RALGPS1: variants seen among roughly 807,000 people sequenced by gnomAD.
RALGPS1 encodes Ral GEF with PH domain and SH3 binding motif 1, also known as ras-specific guanine nucleotide-releasing factor RalGPS1.
A neutral mutation model predicts 78.8 loss-of-function variants in RALGPS1; 19 were observed. That is an observed-to-expected ratio of 0.24 (90% CI 0.17 to 0.35). The LOEUF (loss-of-function observed/expected upper bound fraction) is 0.35. RALGPS1 is among the 10% of genes least tolerant of loss of function. RALGPS1 has a pLI of 1.00. For missense variants in RALGPS1, 454 were observed against 688.3 expected (o/e 0.66, Z 3.81); for synonymous variants, 228 against 256.3 (o/e 0.89, Z 1.06).
chr9:127,196,652 C>T, intron 13 of RALGPS1, 21 bp downstream of exon 13: 1 of 1,566,122 alleles, frequency 6.4e-7, no homozygotes, highest in Non-Finnish European at 8.7e-7. Flanking sequence ...CCGGCCTGCA[C>T]ATGATAGGCT....
At chr9:127,004,606 TC>T (rs1414471336) in intron 4 of RALGPS1, among the ~76,000 whole-genome samples, 35 of 152,254 alleles carry the variant, frequency 2.3e-4, no homozygotes, top group African/African-American at 8.4e-4. Flanking sequence ...TGGAATATGT[TC>T]CATTTGAAAG....
intron 8 of RALGPS1, among the ~76,000 whole-genome samples, chr9:127,142,476 C>T (rs1340716474): frequency 6.6e-6 from 1 of 152,064 alleles, no homozygotes; most frequent in Non-Finnish European, 1.5e-5. Flanking sequence ...ATGATGGGCG[C>T]ATCTGGAGGG....
chr9:127,118,728 TG>T (rs1401882864), intron 8 of RALGPS1, among the ~76,000 whole-genome samples: 3 of 152,234 alleles, frequency 2.0e-5, no homozygotes, highest in African/African-American at 7.2e-5. Flanking sequence ...CCAGTCCTGC[TG>T]GGCTGTGGGC....
chr9:127,198,199 T>C (rs1445688899), intron 13 of RALGPS1, among the ~76,000 whole-genome samples: 1 of 152,184 alleles, frequency 6.6e-6, no homozygotes, highest in African/African-American at 2.4e-5. Context: ...GCATGTGCCC[T>C]GTTGGGAGCT....
intron 2 of RALGPS1, among the ~76,000 whole-genome samples, chr9:126,964,523 T>C (rs2039255249): frequency 6.6e-6 from 1 of 151,054 alleles, no homozygotes; most frequent in African/African-American, 2.4e-5. Flanking sequence ...TATCACCATT[T>C]TACAGATGAT....
intron 4 of RALGPS1, among the ~76,000 whole-genome samples, chr9:127,023,993 C>T (rs1321997930): frequency 9.0e-5 from 12 of 133,592 alleles, no homozygotes; most frequent in Admixed American, 5.1e-4. Flanking sequence ...GCTGAGATCG[C>T]GCCACTGCAC....
Position 127,179,396 on chromosome 9 carries a change from T to G in RALGPS1, c.910+4614T>G, listed in dbSNP as rs567801262. 4.6e-5 allele frequency among the ~76,000 whole-genome samples: 7 copies of G among 152,264 alleles called. No individual in the cohort carries two copies. In the South Asian group the frequency reaches 1.2e-3, roughly 27 times the overall value. On this transcript the variant is annotated intron_variant, in intron 11 of 18. Coordinates refer to ENST00000259351, the MANE Select transcript of RALGPS1 (RefSeq NM_014636.3). ...AGCTCCAGGGAGGCCTTTCTGGACC[T>G]GGCAGCCAGACTGAGCTGCGTGGCA... is the stretch of plus-strand genomic sequence containing the variant.
At chr9:127,014,471 A>C (rs2044634799) in intron 4 of RALGPS1, among the ~76,000 whole-genome samples, 1 of 152,208 alleles carries the variant, frequency 6.6e-6, no homozygotes, top group African/African-American at 2.4e-5. Context: ...CATTGTTTCC[A>C]GGAATCCTAC....
At chr9:127,204,220 G>A (rs2061809404) in intron 14 of RALGPS1, among the ~76,000 whole-genome samples, 1 of 152,138 alleles carries the variant, frequency 6.6e-6, no homozygotes, top group Non-Finnish European at 1.5e-5. Context: ...AGGCTGGAGT[G>A]CAGTGGCACT....
chr9:127,201,249 C>G (rs972496656), intron 14 of RALGPS1, among the ~76,000 whole-genome samples: 1 of 152,232 alleles, frequency 6.6e-6, no homozygotes, highest in Non-Finnish European at 1.5e-5. Flanking sequence ...CGCAGATGCC[C>G]GGCTCTGCCT....
chr9:127,013,701 C>G (rs2044562843), intron 4 of RALGPS1, among the ~76,000 whole-genome samples: 1 of 152,152 alleles, frequency 6.6e-6, no homozygotes, highest in African/African-American at 2.4e-5. Flanking sequence ...CAGTGGTTTC[C>G]CCAGTGCCTT....
chr9:127,096,417 C>T (rs2136619227), intron 8 of RALGPS1, among the ~76,000 whole-genome samples: 1 of 152,350 alleles, frequency 6.6e-6, no homozygotes, highest in East Asian at 1.9e-4. Context: ...ATAACGCCCA[C>T]TGAGAGCGAG....
intron 11 of RALGPS1, chr9:127,184,065 C>G: frequency 6.5e-7 from 1 of 1,543,258 alleles, no homozygotes; most frequent in Non-Finnish European, 8.7e-7. Context: ...GTGGCTCTCA[C>G]CTGTAATCCC....
chr9:127,007,377 A>G (rs895925451), intron 4 of RALGPS1, among the ~76,000 whole-genome samples: 2 of 152,204 alleles, frequency 1.3e-5, no homozygotes, highest in African/African-American at 2.4e-5. Flanking sequence ...ATAGATGCAC[A>G]TATTAGATTG....
At chr9:127,061,706 C>T (rs1044300861) in intron 7 of RALGPS1, among the ~76,000 whole-genome samples, 6 of 152,176 alleles carry the variant, frequency 3.9e-5, no homozygotes, top group African/African-American at 1.4e-4. Context: ...CTACCTCTTC[C>T]TGCAGTTCCT....
chr9:127,080,224 C>A (rs902340582), intron 8 of RALGPS1, among the ~76,000 whole-genome samples: 5 of 152,172 alleles, frequency 3.3e-5, no homozygotes, highest in African/African-American at 1.2e-4. Flanking sequence ...ATACAGTGGG[C>A]TCCTGAGTAC....
intron 14 of RALGPS1, among the ~76,000 whole-genome samples, chr9:127,201,827 C>G (rs1420685756): frequency 6.6e-6 from 1 of 152,342 alleles, no homozygotes; most frequent in East Asian, 1.9e-4. Flanking sequence ...AGCACCTGCC[C>G]TGAAAGAGCT....
At chr9:127,135,930 A>G (rs1465086325) in intron 8 of RALGPS1, among the ~76,000 whole-genome samples, 1 of 152,244 alleles carries the variant, frequency 6.6e-6, no homozygotes, top group Admixed American at 6.5e-5. Context: ...AATAATGGAA[A>G]GTGACTGCAA....
At chr9:127,040,430 A>T (rs2047193429) in intron 5 of RALGPS1, among the ~76,000 whole-genome samples, 1 of 152,154 alleles carries the variant, frequency 6.6e-6, no homozygotes, top group Non-Finnish European at 1.5e-5. Flanking sequence ...GAAGTGACAA[A>T]TGATAGGGGA....
Sources: allele counts gnomAD v4.1 joint callset (sites outside exome capture counted in the v4.1 genomes callset), GRCh38; gene constraint gnomAD v4.1.1; transcripts MANE v1.5; gene names NCBI Gene and HGNC (gene_info 2026-07-23, HGNC 2026-07-21).